UXS1: variants seen among roughly 807,000 people sequenced by gnomAD.
UXS1 encodes the protein UDP-glucuronate decarboxylase 1, also known as UDP-glucuronic acid decarboxylase 1.
In UXS1, 33 loss-of-function variants were observed where a neutral mutation model predicts 62.6. The ratio of observed to expected loss-of-function variants is 0.53; its 90% CI spans 0.40 to 0.70. The LOEUF (loss-of-function observed/expected upper bound fraction) is 0.70, where lower values mean the gene tolerates loss of function less well. Ranked by LOEUF, UXS1 falls within the 30% of genes least tolerant of loss-of-function variation. The pLI is 0.00. For missense variants in UXS1, 434 were observed against 556.3 expected (o/e 0.78, Z 2.21); for synonymous variants, 213 against 206.8 (o/e 1.03, Z -0.26).
At position 106,094,835 on chromosome 2, in the gene UXS1, G is replaced by A. The variant is rs1043513718; in HGVS notation, c.1147-678C>T. On this transcript the variant is annotated intron_variant, in intron 14 of 14. Transcript: ENST00000283148. Reference sequence around the variant, plus strand: ...TGCTAAGGGGTGCTGGGGCACCACTGGGGGAGAAGGTCTGTCAGCTTGACT... The same window carrying A: ...TGCTAAGGGGTGCTGGGGCACCACTAGGGGAGAAGGTCTGTCAGCTTGACT... Among the ~76,000 whole-genome samples the A allele has an allele frequency of 2.6e-5, 4 of 152,218 alleles. 1 individual carries two copies. The highest frequency in any genetic ancestry group is 5.9e-5 in the Non-Finnish European group (4 of 68,034).
chr2:106,121,758 A>G (rs970780445), intron 9 of UXS1, among the ~76,000 whole-genome samples: 1 of 152,254 alleles, frequency 6.6e-6, no homozygotes, highest in Admixed American at 6.5e-5. Context: ...GTTTAAATAT[A>G]AACAATAGCA....
intron 14 of UXS1, among the ~76,000 whole-genome samples, chr2:106,096,129 G>A (rs1253592695): frequency 2.0e-5 from 3 of 152,332 alleles, no homozygotes; most frequent in Non-Finnish European, 2.9e-5. Flanking sequence ...CTGGGGCTAC[G>A]CAGGGCTCTG....
chr2:106,117,673 T>G (rs769999182), intron 9 of UXS1, among the ~76,000 whole-genome samples: 2 of 152,144 alleles, frequency 1.3e-5, no homozygotes, highest in African/African-American at 4.8e-5. Flanking sequence ...TGCCAGGAAG[T>G]GCACCAAGGT....
At position 106,188,093 on chromosome 2, in the gene UXS1, C is replaced by T. The variant is rs565861928; in HGVS notation, c.94+6055G>A. Among the ~76,000 whole-genome samples the T allele has an allele frequency of 2.0e-5, 3 of 152,268 alleles. No individual in the cohort carries two copies. The East Asian group carries it at 5.8e-4, about 29-fold the overall frequency. On this transcript the variant is annotated intron_variant, in intron 1 of 14. Transcript: ENST00000283148. ...GTGAAAAGATAATGGCTCCTAAACCCGACTAAAACATCAGAAAATGTCTTT... is the reference window on the plus strand; with the variant it reads ...GTGAAAAGATAATGGCTCCTAAACCTGACTAAAACATCAGAAAATGTCTTT...
chr2:106,105,814 T>G (rs1001733134), intron 10 of UXS1, among the ~76,000 whole-genome samples: 1 of 151,902 alleles, frequency 6.6e-6, no homozygotes, highest in Non-Finnish European at 1.5e-5. Flanking sequence ...GGAACAAGAG[T>G]GCCCTCGGGG....
intron 9 of UXS1, among the ~76,000 whole-genome samples, chr2:106,118,909 G>A (rs1679290267): frequency 6.6e-6 from 1 of 152,190 alleles, no homozygotes; most frequent in South Asian, 2.1e-4. Flanking sequence ...AGGGGGATAT[G>A]TTATTATGTA....
Position 106,194,245 on chromosome 2 carries a change from C to G in UXS1, c.-4G>C. On this transcript the variant is annotated 5_prime_UTR_variant, in exon 1 of 15. Transcript: ENST00000283148. The stretch of plus-strand genomic sequence containing the variant: ...GCAGCAGCGCCTTGCTCACCATCCC[C>G]GGGAGCCGCGCGGGTCCAGGGCCCT... 2 of 1,395,388 alleles carry G rather than the reference C, an allele frequency of 1.4e-6. No individual in the cohort carries two copies. Among genetic ancestry groups the G allele is most frequent in the Non-Finnish European group, 9.4e-7 (1 of 1,064,008 alleles). 86.4% of individuals were successfully genotyped at this position (1,395,388 alleles called of 1,614,324 possible).
intron 1 of UXS1, among the ~76,000 whole-genome samples, chr2:106,189,550 T>A (rs76375162): frequency 1.3e-5 from 2 of 152,036 alleles, no homozygotes; most frequent in African/African-American, 4.8e-5. Context: ...GCTCAGCTCC[T>A]GGGCAGGCCA....
intron 4 of UXS1, 125 bp from the exon 5 acceptor site, chr2:106,158,243 G>T: frequency 1.3e-6 from 1 of 795,388 alleles, no homozygotes. Flanking sequence ...CTCCACTCTT[G>T]AATGAGTGCT....
intron 5 of UXS1, among the ~76,000 whole-genome samples, chr2:106,146,587 G>T (rs536834415): frequency 1.3e-5 from 2 of 151,366 alleles, no homozygotes; most frequent in African/African-American, 4.9e-5. Flanking sequence ...AAGACCAGTC[G>T]GGCCAACATG....
intron 5 of UXS1, among the ~76,000 whole-genome samples, chr2:106,149,828 A>C (rs1393653427): frequency 1.3e-5 from 2 of 152,226 alleles, no homozygotes; most frequent in Admixed American, 6.5e-5. Context: ...ACTTCTGTGA[A>C]TGGAGTGTTA....
intron 10 of UXS1, among the ~76,000 whole-genome samples, chr2:106,111,777 A>G (rs1678632240): frequency 6.6e-6 from 1 of 152,296 alleles, no homozygotes; most frequent in Admixed American, 6.5e-5. Context: ...CCTGGAATAC[A>G]CTCAATTGAT....
intron 6 of UXS1, among the ~76,000 whole-genome samples, chr2:106,140,473 C>G (rs1681010450): frequency 1.3e-5 from 2 of 152,212 alleles, no homozygotes. Flanking sequence ...TAAACATGGA[C>G]TCAATCCCCT....
chr2:106,184,903 C>G (rs888688220), intron 1 of UXS1, among the ~76,000 whole-genome samples: 1 of 152,164 alleles, frequency 6.6e-6, no homozygotes, highest in South Asian at 2.1e-4. Flanking sequence ...CATTTCAGGC[C>G]ACACGGGCCA....
At chr2:106,157,932 T>C (rs1443114275) in intron 5 of UXS1, 126 bp downstream of exon 5, 3 of 833,040 alleles carry the variant, frequency 3.6e-6, no homozygotes, top group Non-Finnish European at 3.8e-6. Flanking sequence ...GCTAACTCTG[T>C]GGACATACTA....
chr2:106,144,243 T>A (rs1681376292), intron 6 of UXS1, among the ~76,000 whole-genome samples: 1 of 152,126 alleles, frequency 6.6e-6, no homozygotes, highest in African/African-American at 2.4e-5. Flanking sequence ...CACTCCAAAA[T>A]GAATCCTAAA....
intron 9 of UXS1, 120 bp from the exon 10 acceptor site, chr2:106,112,885 T>G (rs777419671): frequency 1.4e-6 from 2 of 1,431,752 alleles, no homozygotes; most frequent in Non-Finnish European, 1.8e-6. Flanking sequence ...CATTCCAAAA[T>G]GGAAATGGCT....
chr2:106,101,021 G>A (rs773411997), intron 12 of UXS1, 37 bp downstream of exon 12: 1 of 1,613,292 alleles, frequency 6.2e-7, no homozygotes, highest in Non-Finnish European at 8.5e-7. Context: ...ACGAAAGTCT[G>A]AGCTGTCCTG....
chr2:106,094,090 T>A lies in UXS1; in HGVS notation c.1214A>T (p.Asn405Ile), dbSNP rs1484141022. ...CTTTGGTTTGGGGATGTACTGATTA[T>A]TTGCCTGGTACTCGAGTTCTTTACG... ...YFRKELEYQA[N>I]NQYIPKPKPA... The change falls in exon 15 of 15, where the codon AAT becomes ATT. Residue 405 changes from asparagine to isoleucine, a missense_variant. Physicochemically the swap from Asn to Ile is moderately radical, Grantham distance 149 (BLOSUM62 -3). Transcript: ENST00000283148. 6.2e-7 allele frequency: 1 copy of A among 1,613,670 alleles called. No homozygotes were observed. The highest frequency in any genetic ancestry group is 8.5e-7 in the Non-Finnish European group (1 of 1,179,840).
Sources: allele counts gnomAD v4.1 joint callset (sites outside exome capture counted in the v4.1 genomes callset), GRCh38; gene constraint gnomAD v4.1.1; transcripts MANE v1.5; gene names NCBI Gene and HGNC (gene_info 2026-07-23, HGNC 2026-07-21).